The following L3MBTL3 variants were observed in gnomAD, a reference collection of about 807,000 sequenced individuals.
The protein encoded by L3MBTL3 is lethal(3)malignant brain tumor-like protein 3.
L3MBTL3 carries 27 observed loss-of-function variants against 102.3 expected under a neutral mutation model. The observed-to-expected ratio is 0.26, with a 90% CI of 0.19 to 0.36. The LOEUF (loss-of-function observed/expected upper bound fraction) is 0.36, where lower values mean the gene tolerates loss of function less well. Ranked by LOEUF, L3MBTL3 falls within the 10% of genes least tolerant of loss-of-function variation. The pLI, the probability that L3MBTL3 is intolerant of heterozygous loss-of-function variation, is 1.00. For missense variants in L3MBTL3, 798 were observed against 955.3 expected, an observed-to-expected ratio of 0.84 and a Z score of 2.17; for synonymous variants, 340 against 320.9, an observed-to-expected ratio of 1.06 and a Z score of -0.64.
At chr6:130,073,545 G>A (rs1255736617) in intron 13 of L3MBTL3, among the ~76,000 whole-genome samples, 1 of 152,130 alleles carries the variant, frequency 6.6e-6, no homozygotes, top group Non-Finnish European at 1.5e-5. Flanking sequence ...GAACAAAATA[G>A]GTGAATGTCA....
At chr6:130,081,289 C>T (rs1167427287) in intron 14 of L3MBTL3, among the ~76,000 whole-genome samples, 1 of 152,204 alleles carries the variant, frequency 6.6e-6, no homozygotes, top group African/African-American at 2.4e-5. Flanking sequence ...CAAAGTCACA[C>T]ACATGCATGC....
chr6:130,097,912 A>T (rs576841766), intron 18 of L3MBTL3, among the ~76,000 whole-genome samples: 9 of 152,138 alleles, frequency 5.9e-5, no homozygotes, highest in Non-Finnish European at 1.2e-4. Context: ...TACCAAAAAT[A>T]CAAAATTAGC....
At chr6:130,048,944 A>G (rs1209438372) in intron 3 of L3MBTL3, among the ~76,000 whole-genome samples, 2 of 120,146 alleles carry the variant, frequency 1.7e-5, no homozygotes, top group African/African-American at 6.1e-5. Flanking sequence ...TAGTTAAAAC[A>G]CACACACACA....
intron 7 of L3MBTL3, among the ~76,000 whole-genome samples, chr6:130,053,741 A>G (rs746538401): frequency 6.6e-6 from 1 of 152,204 alleles, no homozygotes; most frequent in Non-Finnish European, 1.5e-5. Flanking sequence ...AAACATAAAT[A>G]TCATATTCCT....
chr6:130,037,196 A>G (rs955982070), intron 2 of L3MBTL3, among the ~76,000 whole-genome samples: 5 of 152,206 alleles, frequency 3.3e-5, no homozygotes, highest in East Asian at 1.9e-4. Context: ...ATCAAATGCT[A>G]TTATATTTAT....
Position 130,049,351 on chromosome 6 carries a change from G to A in L3MBTL3, c.172G>A (p.Ala58Thr), listed in dbSNP as rs1212123441. 1.2e-6 allele frequency: 2 copies of A among 1,613,378 alleles called. No homozygotes were observed. Among genetic ancestry groups the A allele is most frequent in the Non-Finnish European group, 1.7e-6 (2 of 1,179,424 alleles). Residue 58 changes from alanine (A) to threonine (T), a missense_variant, in exon 4 of 23, where the codon GCA becomes ACA. By Grantham distance (58) the Ala-to-Thr change is moderately conservative. Coordinates refer to ENST00000361794, the MANE Select transcript of L3MBTL3 (RefSeq NM_032438.4). The stretch of plus-strand genomic sequence containing the variant: ...GAATGAGATGGAAAATGTTAAAAAA[G>A]CAACTGCTACCACCACTTGGATGGT... ...DENEMENVKK[A>T]TATTTWMVPT...
At chr6:130,054,833 G>A (rs1356920449) in intron 7 of L3MBTL3, among the ~76,000 whole-genome samples, 4 of 152,198 alleles carry the variant, frequency 2.6e-5, no homozygotes, top group African/African-American at 9.7e-5. Flanking sequence ...GAACTGGATT[G>A]GAGGAGACAT....
intron 3 of L3MBTL3, among the ~76,000 whole-genome samples, chr6:130,043,153 A>G (rs1332336302): frequency 6.6e-6 from 1 of 152,162 alleles, no homozygotes; most frequent in East Asian, 1.9e-4. Flanking sequence ...TTGATTTTGT[A>G]GTAATGGGCT....
intron 15 of L3MBTL3, among the ~76,000 whole-genome samples, chr6:130,085,238 TGA>T (rs1194424365): frequency 2.0e-5 from 3 of 152,212 alleles, no homozygotes; most frequent in African/African-American, 7.2e-5. Flanking sequence ...CCACTGTCTG[TGA>T]GTTTTTCAGA....
intron 2 of L3MBTL3, among the ~76,000 whole-genome samples, chr6:130,038,813 C>G (rs1438680636): frequency 6.6e-6 from 1 of 151,910 alleles, no homozygotes; most frequent in African/African-American, 2.4e-5. Flanking sequence ...GTGGCTTGTG[C>G]TTTTGAGGTC....
chr6:130,135,786 G>A (rs145302387), intron 22 of L3MBTL3, among the ~76,000 whole-genome samples: 275 of 152,112 alleles, frequency 1.8e-3, no homozygotes, highest in East Asian at 5.2e-3. Context: ...GTTAAATTCC[G>A]ACCATGAGTA....
intron 20 of L3MBTL3, among the ~76,000 whole-genome samples, chr6:130,124,007 A>T (rs1321393104): frequency 6.6e-6 from 1 of 152,116 alleles, no homozygotes; most frequent in East Asian, 1.9e-4. Context: ...TCTTGGGAGC[A>T]ACAACAGTGA....
chr6:130,096,288 A>T (rs1010457253), intron 18 of L3MBTL3, among the ~76,000 whole-genome samples: 5 of 152,188 alleles, frequency 3.3e-5, no homozygotes, highest in African/African-American at 9.7e-5. Flanking sequence ...TCACAGGCTG[A>T]TGGAGCTATA....
intron 19 of L3MBTL3, among the ~76,000 whole-genome samples, chr6:130,113,795 G>T (rs1463208560): frequency 1.3e-5 from 2 of 152,200 alleles, no homozygotes; most frequent in Non-Finnish European, 2.9e-5. Flanking sequence ...ACCGAAAGCC[G>T]AGTCTGTACC....
chr6:130,067,794 A>G (rs1782362604), intron 11 of L3MBTL3, among the ~76,000 whole-genome samples: 1 of 152,208 alleles, frequency 6.6e-6, no homozygotes, highest in Non-Finnish European at 1.5e-5. Context: ...ACTTCAATGA[A>G]ATTGTAAAAA....
At chr6:130,055,971 AG>A (rs1224828904) in intron 8 of L3MBTL3, among the ~76,000 whole-genome samples, 7 of 118,900 alleles carry the variant, frequency 5.9e-5, no homozygotes, top group African/African-American at 2.3e-4. Context: ...TCTGTCACCC[AG>A]GCTGAAGTAT....
chr6:130,076,557 C>T (rs1214515758), intron 13 of L3MBTL3, among the ~76,000 whole-genome samples: 1 of 152,118 alleles, frequency 6.6e-6, no homozygotes, highest in Non-Finnish European at 1.5e-5. Context: ...TTTGCACTTA[C>T]ACATGAAATG....
chr6:130,111,920 T>C (rs1785373000), intron 19 of L3MBTL3, among the ~76,000 whole-genome samples: 1 of 152,218 alleles, frequency 6.6e-6, no homozygotes, highest in South Asian at 2.1e-4. Flanking sequence ...CTACAAAGCC[T>C]TGTGTCATCT....
intron 20 of L3MBTL3, among the ~76,000 whole-genome samples, chr6:130,121,578 T>C (rs975127834): frequency 2.6e-5 from 4 of 152,206 alleles, no homozygotes; most frequent in African/African-American, 7.2e-5. Flanking sequence ...GTACATAAAG[T>C]TTGGTAAGAC....
Sources: gnomAD v4.1 joint callset for allele counts (sites outside exome capture counted in the v4.1 genomes callset) on GRCh38, gnomAD v4.1.1 for gene constraint, MANE v1.5 for transcripts, NCBI Gene and HGNC (gene_info 2026-07-23, HGNC 2026-07-21) for gene names.